The following NEGR1 variants were observed in gnomAD, a reference collection of about 807,000 sequenced individuals.
NEGR1 encodes IgLON family member 4.
Under a neutral mutation model 40.9 loss-of-function variants are expected in NEGR1, and 10 were observed. That is an observed-to-expected ratio of 0.24 (90% CI 0.15 to 0.42). NEGR1 has a LOEUF of 0.42. Among genes scored for constraint, NEGR1 ranks in the 10% least tolerant of loss-of-function variants. The pLI, the probability that NEGR1 is intolerant of heterozygous loss-of-function variation, is 1.00. For missense variants in NEGR1, 352 were observed against 438.9 expected (o/e 0.80, Z 1.77); for synonymous variants, 185 against 166.8 (o/e 1.11, Z -0.84).
chr1:71,554,687 T>A (rs1482983548), intron 6 of NEGR1, among the ~76,000 whole-genome samples: 1 of 151,500 alleles, frequency 6.6e-6, no homozygotes, highest in Non-Finnish European at 1.5e-5. Flanking sequence ...GGTGGAAAAA[T>A]TTGGACATTC....
intron 1 of NEGR1, among the ~76,000 whole-genome samples, chr1:72,203,348 T>C (rs557663056): frequency 6.6e-6 from 1 of 152,160 alleles, no homozygotes; most frequent in Admixed American, 6.6e-5. Context: ...CTTTGAGCAG[T>C]TCAAATCTCC....
chr1:72,099,707 C>A (rs925940364), intron 1 of NEGR1, among the ~76,000 whole-genome samples: 5 of 151,822 alleles, frequency 3.3e-5, no homozygotes, highest in African/African-American at 1.2e-4. Context: ...CAATTTAATT[C>A]TTTCTGATGT....
chr1:72,199,204 G>GGGGGCTGCATAACATGTATACTGTAAA (rs1449625330), intron 1 of NEGR1, among the ~76,000 whole-genome samples: 4 of 149,648 alleles, frequency 2.7e-5, no homozygotes, highest in Non-Finnish European at 5.9e-5. Context: ...TATGTATCTT[G>GGGGGCTGCATAACATGTATACTGTAAA]GGGGCTGCAT....
chr1:71,723,557 C>T (rs1468488382), intron 3 of NEGR1, among the ~76,000 whole-genome samples: 1 of 152,102 alleles, frequency 6.6e-6, no homozygotes, highest in Non-Finnish European at 1.5e-5. Context: ...CTTCTGAAGA[C>T]ATCCACATGC....
intron 6 of NEGR1, among the ~76,000 whole-genome samples, chr1:71,576,880 A>C (rs1464651708): frequency 2.0e-5 from 3 of 152,224 alleles, no homozygotes. Context: ...TGGACCAAAA[A>C]ATAACCCTGG....
chr1:72,088,714 AAGG>A (rs1387893464), intron 1 of NEGR1, among the ~76,000 whole-genome samples: 1 of 151,928 alleles, frequency 6.6e-6, no homozygotes, highest in Non-Finnish European at 1.5e-5. Context: ...CACTGACCCT[AAGG>A]AGATTTTGTT....
chr1:71,509,416 C>G (rs1235325269), intron 6 of NEGR1, among the ~76,000 whole-genome samples: 1 of 152,192 alleles, frequency 6.6e-6, no homozygotes, highest in Non-Finnish European at 1.5e-5. Flanking sequence ...TGGGATAACT[C>G]TTGACTTGTA....
chr1:71,562,078 T>C (rs1370006005), intron 6 of NEGR1, among the ~76,000 whole-genome samples: 1 of 151,724 alleles, frequency 6.6e-6, no homozygotes, highest in Admixed American at 6.6e-5. Flanking sequence ...TAATGACTTA[T>C]TAAAGTTCTT....
intron 1 of NEGR1, among the ~76,000 whole-genome samples, chr1:72,022,384 G>A (rs917808814): frequency 2.7e-5 from 4 of 146,406 alleles, no homozygotes; most frequent in African/African-American, 7.4e-5. Flanking sequence ...TTAGTGATAT[G>A]GTACTTTAGT....
intron 1 of NEGR1, among the ~76,000 whole-genome samples, chr1:72,111,569 G>T (rs909839174): frequency 6.6e-6 from 1 of 151,710 alleles, no homozygotes; most frequent in Non-Finnish European, 1.5e-5. Flanking sequence ...GACATTTAAA[G>T]ATGATAAGAT....
At chr1:71,442,289 C>G (rs1192485160) in intron 6 of NEGR1, among the ~76,000 whole-genome samples, 1 of 109,318 alleles carries the variant, frequency 9.1e-6, no homozygotes, top group African/African-American at 3.5e-5. Flanking sequence ...CATCAATGAA[C>G]AACATAGGAA....
rs1297314431 is a variant in NEGR1, at chr1:71,402,818, G to A, written c.*4628C>T. On this transcript the variant is annotated 3_prime_UTR_variant, in exon 7 of 7. Transcript: ENST00000357731. Reference sequence around the variant, plus strand: ...TATGTTTTGCCCTATTCTTTTGAGAGGGAAACTAGCTCTGTTTCATGTGCT... The same window carrying A: ...TATGTTTTGCCCTATTCTTTTGAGAAGGAAACTAGCTCTGTTTCATGTGCT... 1 of 151,994 alleles carries A rather than the reference G, an allele frequency of 6.6e-6. No individual in the cohort carries two copies. Among genetic ancestry groups the A allele is most frequent in the East Asian group, 1.9e-4 (1 of 5,182 alleles). 9.4% of individuals were successfully genotyped at this position (151,994 alleles called of 1,614,324 possible).
chr1:71,717,624 C>T (rs1408856397), intron 3 of NEGR1, among the ~76,000 whole-genome samples: 5 of 152,182 alleles, frequency 3.3e-5, no homozygotes, highest in Non-Finnish European at 7.3e-5. Context: ...AAATATAATT[C>T]TTCAATAAAT....
chr1:72,046,470 C>T lies in NEGR1; in HGVS notation c.177-111159G>A, dbSNP rs116597953. ...ACATTTAGTTTAGGGCACTGCAACC[C>T]TTCAAAATGATAAATAAATTATAGC... is the stretch of plus-strand genomic sequence containing the variant. On this transcript the variant is annotated intron_variant, in intron 1 of 6. Transcript: ENST00000357731. Among the ~76,000 whole-genome samples the T allele has an allele frequency of 6.9e-3, 1,040 of 151,602 alleles. 14 individuals carry two copies. The highest frequency in any genetic ancestry group is 0.024 in the African/African-American group (1,003 of 41,444).
intron 2 of NEGR1, among the ~76,000 whole-genome samples, chr1:71,903,877 G>T (rs1401598499): frequency 6.6e-6 from 1 of 151,648 alleles, no homozygotes; most frequent in African/African-American, 2.4e-5. Flanking sequence ...GCAGATGAAT[G>T]GATGTTATAA....
At chr1:72,042,794 T>A (rs1421220387) in intron 1 of NEGR1, among the ~76,000 whole-genome samples, 1 of 152,010 alleles carries the variant, frequency 6.6e-6, no homozygotes, top group Non-Finnish European at 1.5e-5. Flanking sequence ...ATATAGATGA[T>A]TTCTGACTAA....
rs1314733478 is a variant in NEGR1 at position 71,565,930 on chromosome 1, T to C, written c.940+26887A>G. Reference sequence around the variant, plus strand: ...ATGTAAGTCAAATATTGAAAATATATGCCCTAATTTAAAACAATGTCTGAC... The same window carrying C: ...ATGTAAGTCAAATATTGAAAATATACGCCCTAATTTAAAACAATGTCTGAC... On this transcript the variant is annotated intron_variant, in intron 6 of 6. Coordinates refer to ENST00000357731, the MANE Select transcript of NEGR1 (RefSeq NM_173808.3). Among the ~76,000 whole-genome samples, 3 of 152,230 alleles carry C rather than the reference T, an allele frequency of 2.0e-5. No homozygotes were observed. The South Asian group carries it at 6.2e-4, about 32-fold the overall frequency.
rs907963842 is a variant in NEGR1 at position 71,412,252 on chromosome 1, C to T, written c.941-4682G>A. Among the ~76,000 whole-genome samples the T allele has an allele frequency of 2.6e-5, 4 of 152,102 alleles. 1 individual carries two copies. Among genetic ancestry groups the T allele is most frequent in the Admixed American group, 2.6e-4 (4 of 15,264 alleles). Reference sequence around the variant, plus strand: ...CATAGAGTGTTTCATTACCTCATGTCCTTTGTGCATGCAACCTCCTTAAGC... The same window carrying T: ...CATAGAGTGTTTCATTACCTCATGTTCTTTGTGCATGCAACCTCCTTAAGC... On this transcript the variant is annotated intron_variant, in intron 6 of 6. Transcript: ENST00000357731.
chr1:71,900,852 G>C (rs2101863043), intron 2 of NEGR1, among the ~76,000 whole-genome samples: 1 of 152,274 alleles, frequency 6.6e-6, no homozygotes, highest in Non-Finnish European at 1.5e-5. Flanking sequence ...GGAAGAGACT[G>C]AAGCAGAGAA....
Sources: allele counts gnomAD v4.1 joint callset (sites outside exome capture counted in the v4.1 genomes callset), GRCh38; gene constraint gnomAD v4.1.1; transcripts MANE v1.5; gene names NCBI Gene and HGNC (gene_info 2026-07-23, HGNC 2026-07-21).